LNX1: variants seen among roughly 807,000 people sequenced by gnomAD.
LNX1 encodes ligand of numb-protein X 1.
A neutral mutation model predicts 68.4 loss-of-function variants in LNX1; 54 were observed. The ratio of observed to expected loss-of-function variants is 0.79; its 90% confidence interval spans 0.63 to 0.99. The LOEUF (loss-of-function observed/expected upper bound fraction) is 0.99. Ranked by LOEUF, LNX1 falls within the 50% of genes least tolerant of loss-of-function variation. The pLI, the probability that LNX1 is intolerant of heterozygous loss-of-function variation, is 0.00. For missense variants in LNX1, 906 were observed against 926.4 expected (o/e 0.98, Z 0.29); for synonymous variants, 336 against 350.0 (o/e 0.96, Z 0.45).
At chr4:53,625,328 G>A (rs1052000050) in intron 1 of LNX1, among the ~76,000 whole-genome samples, 1 of 152,058 alleles carries the variant, frequency 6.6e-6, no homozygotes, top group African/African-American at 2.4e-5. Context: ...TATCAGATGA[G>A]GGACTTATGT....
In LNX1 at chr4:53,507,856, G is replaced by A. The variant is rs115803821; in HGVS notation, c.622+130C>T. On this transcript the variant is annotated intron_variant, in intron 3 of 10. Coordinates refer to ENST00000263925, the MANE Select transcript of LNX1 (RefSeq NM_001126328.3). ...TTTCACTTTGGCGAATTGGACATTG[G>A]GTTCCTGCCAAAACTACCAGAACGA... 1.4e-3 allele frequency: 1,658 copies of A among 1,225,004 alleles called. 22 individuals are homozygous for A. In the African/African-American group the frequency reaches 0.023, roughly 17 times the overall value. 75.9% of individuals were successfully genotyped at this position (1,225,004 alleles called of 1,614,324 possible). A position where few individuals can be genotyped will look rare whatever the true frequency, so the allele number is the denominator to read the frequency against.
intron 2 of LNX1, among the ~76,000 whole-genome samples, chr4:53,546,808 A>G (rs780117310): frequency 1.2e-4 from 19 of 152,166 alleles, no homozygotes; most frequent in Non-Finnish European, 2.4e-4. Context: ...ATAGCTGAGG[A>G]ATGAAGGCTG....
chr4:53,636,490 T>C (rs13353796), intron 1 of LNX1, among the ~76,000 whole-genome samples: 2,478 of 152,196 alleles, frequency 0.016, 60 homozygotes, highest in African/African-American at 0.056. Flanking sequence ...GCAGAAGGGC[T>C]TGAGTGACCT....
At chr4:53,501,311 G>GGGGGGAA (rs1553932778) in intron 4 of LNX1, among the ~76,000 whole-genome samples, 5 of 55,690 alleles carry the variant, frequency 9.0e-5, no homozygotes, top group Non-Finnish European at 1.1e-4. Flanking sequence ...GGGGTGGGGG[G>GGGGGGAA]ACAGGATCTC....
At chr4:53,525,069 C>G (rs1222780009) in intron 2 of LNX1, among the ~76,000 whole-genome samples, 4 of 152,158 alleles carry the variant, frequency 2.6e-5, no homozygotes, top group Admixed American at 2.0e-4. Context: ...CATTGGATAG[C>G]CTTTTACAAC....
chr4:53,589,353 T>A (rs1208746636), intron 1 of LNX1, among the ~76,000 whole-genome samples: 6 of 152,214 alleles, frequency 3.9e-5, no homozygotes, highest in Non-Finnish European at 8.8e-5. Flanking sequence ...GTTTTCTTTT[T>A]CCAAACTGTT....
chr4:53,631,171 G>T (rs544484422), intron 1 of LNX1, among the ~76,000 whole-genome samples: 3 of 152,308 alleles, frequency 2.0e-5, no homozygotes, highest in South Asian at 2.1e-4. Flanking sequence ...TAGTACCCAG[G>T]GGGAGACAGT....
intron 2 of LNX1, among the ~76,000 whole-genome samples, chr4:53,601,506 C>G (rs1733015404): frequency 6.6e-6 from 1 of 152,210 alleles, no homozygotes; most frequent in African/African-American, 2.4e-5. Flanking sequence ...TAGGCTGCAC[C>G]TGGACCAACA....
chr4:53,593,480 T>A (rs1433489248), upstream of LNX1, among the ~76,000 whole-genome samples: 1 of 152,128 alleles, frequency 6.6e-6, no homozygotes, highest in Non-Finnish European at 1.5e-5. Context: ...CATCTACATA[T>A]GTGGTGTGAT....
intron 2 of LNX1, among the ~76,000 whole-genome samples, chr4:53,534,547 TGGGAGGATC>T (rs1203086533): frequency 1.3e-5 from 2 of 152,074 alleles, no homozygotes; most frequent in Non-Finnish European, 2.9e-5. Flanking sequence ...AAGGCTGAGG[TGGGAGGATC>T]ACTTAAACCC....
chr4:53,531,122 C>A (rs1392986402), intron 2 of LNX1, among the ~76,000 whole-genome samples: 1 of 152,198 alleles, frequency 6.6e-6, no homozygotes, highest in East Asian at 1.9e-4. Context: ...GCCAAATACA[C>A]ACACAGACAC....
At chr4:53,575,891 A>G (rs1731451798) in intron 1 of LNX1, 17 of 1,579,586 alleles carry the variant, frequency 1.1e-5, no homozygotes, top group Admixed American at 1.8e-5. Flanking sequence ...AGCAGCCTGC[A>G]AGGGGAGGAC....
intron 2 of LNX1, among the ~76,000 whole-genome samples, chr4:53,522,775 CA>C (rs1296783971): frequency 6.6e-6 from 1 of 152,128 alleles, no homozygotes; most frequent in African/African-American, 2.4e-5. Flanking sequence ...CCAGCCTGGG[CA>C]ACAGAGCAGG....
In LNX1 at chr4:53,461,352, T is replaced by C. The variant is rs750408647; in HGVS notation, c.2051+83A>G. On this transcript the variant is annotated intron_variant, in intron 10 of 10. Transcript: ENST00000263925. Reference sequence around the variant, plus strand: ...ATCCCCACAAAGTATAATAAATACATGCCTTATCTCAAATGGGGCCAAGCT... The same window carrying C: ...ATCCCCACAAAGTATAATAAATACACGCCTTATCTCAAATGGGGCCAAGCT... 200 of 1,086,692 alleles carry C rather than the reference T, an allele frequency of 1.8e-4. 1 individual carries two copies. The highest frequency in any genetic ancestry group is 2.6e-4 in the Non-Finnish European group (190 of 738,668). 67.3% of individuals were successfully genotyped at this position (1,086,692 alleles called of 1,614,324 possible). A position where few individuals can be genotyped will look rare whatever the true frequency, so the allele number is the denominator to read the frequency against.
At chr4:53,499,757 CATT>C (rs1335647754) in intron 4 of LNX1, among the ~76,000 whole-genome samples, 1 of 152,192 alleles carries the variant, frequency 6.6e-6, no homozygotes, top group Non-Finnish European at 1.5e-5. Flanking sequence ...TTCTACCAGA[CATT>C]GTTGTTAACA....
At chr4:53,521,036 T>G (rs1727177488) in intron 2 of LNX1, among the ~76,000 whole-genome samples, 1 of 152,162 alleles carries the variant, frequency 6.6e-6, no homozygotes, top group African/African-American at 2.4e-5. Context: ...TAGCTTTTGG[T>G]TTTTGGGAAA....
rs181847536 is a variant in LNX1 at position 53,650,597 on chromosome 4, G to C, written c.-215+1571C>G. ...GATTAACATAGAAATAAATAGATAC[G>C]TAAATAGAGGAGGAAGCTGGGATTC... is the stretch of plus-strand genomic sequence containing the variant. On this transcript the variant is annotated intron_variant, in intron 1 of 2. Transcript: ENST00000507168. Among the ~76,000 whole-genome samples the C allele has an allele frequency of 3.9e-4, 59 of 152,216 alleles. No individual in the cohort carries two copies. The East Asian group carries it at 0.01, about 27-fold the overall frequency.
upstream of LNX1, among the ~76,000 whole-genome samples, chr4:53,592,189 G>A (rs1732540778): frequency 6.6e-6 from 1 of 151,420 alleles, no homozygotes; most frequent in Admixed American, 6.6e-5. Context: ...GGCAGTTACA[G>A]TGCACTGCAG....
chr4:53,620,091 T>C (rs1439314800), upstream of LNX1, among the ~76,000 whole-genome samples: 1 of 152,238 alleles, frequency 6.6e-6, no homozygotes, highest in East Asian at 1.9e-4. Context: ...TGTTTTATCC[T>C]GTCTGTGCCA....
Sources: allele counts gnomAD v4.1 joint callset (sites outside exome capture counted in the v4.1 genomes callset), GRCh38; gene constraint gnomAD v4.1.1; transcripts MANE v1.5; gene names NCBI Gene and HGNC (gene_info 2026-07-23, HGNC 2026-07-21).